ALLC: variants seen among roughly 807,000 people sequenced by gnomAD.
ALLC encodes the protein probable inactive allantoicase.
Under a neutral mutation model 45.0 loss-of-function variants are expected in ALLC, and 40 were observed. That is an observed-to-expected ratio of 0.89 (90% confidence interval 0.69 to 1.16). The LOEUF (loss-of-function observed/expected upper bound fraction) is 1.16, where lower values mean the gene tolerates loss of function less well. Among genes scored for constraint, ALLC ranks in the 50% most tolerant of loss-of-function variants. The probability of loss-of-function intolerance (pLI) is 0.00; values close to 1 mark genes in which losing one functional copy is unlikely to be tolerated. For synonymous variants in ALLC, 176 were observed against 178.1 expected, an observed-to-expected ratio of 0.99 and a Z score of 0.09; for missense variants, 488 against 493.1, an observed-to-expected ratio of 0.99 and a Z score of 0.10.
At chr2:3,676,142 C>T (rs1456416376) in intron 3 of ALLC, among the ~76,000 whole-genome samples, 1 of 152,252 alleles carries the variant, frequency 6.6e-6, no homozygotes, top group South Asian at 2.1e-4. Context: ...TGGTGGGGGA[C>T]AAACATTCAG....
At chr2:3,686,902 C>G (rs569316892) in intron 7 of ALLC, among the ~76,000 whole-genome samples, 17 of 151,048 alleles carry the variant, frequency 1.1e-4, no homozygotes, top group African/African-American at 4.1e-4. Context: ...AACTTCACTT[C>G]TTTCTTTTCA....
intron 9 of ALLC, 22 bp from the exon 10 acceptor site, chr2:3,697,326 T>G (rs1248752720): frequency 6.2e-7 from 1 of 1,603,708 alleles, no homozygotes; most frequent in African/African-American, 1.3e-5. Context: ...CGTTTACCAT[T>G]TTCTTCTCTT....
intron 1 of ALLC, among the ~76,000 whole-genome samples, chr2:3,669,401 G>C (rs931524593): frequency 3.3e-5 from 5 of 152,194 alleles, no homozygotes; most frequent in Non-Finnish European, 7.3e-5. Flanking sequence ...TTGAACCCAG[G>C]AGGCGGCGGT....
At chr2:3,674,603 C>A (rs1223208580) in intron 3 of ALLC, among the ~76,000 whole-genome samples, 1 of 152,184 alleles carries the variant, frequency 6.6e-6, no homozygotes, top group South Asian at 2.1e-4. Context: ...CGTGGAGAGA[C>A]AAACACAGGT....
chr2:3,700,228 T>C (rs1667788072), intron 10 of ALLC, among the ~76,000 whole-genome samples: 1 of 152,218 alleles, frequency 6.6e-6, no homozygotes, highest in Admixed American at 6.5e-5. Context: ...GCTAGCCCAT[T>C]ATCCCAGCAC....
chr2:3,667,953 T>TG (rs36084441), intron 1 of ALLC, among the ~76,000 whole-genome samples: 34 of 152,074 alleles, frequency 2.2e-4, no homozygotes, highest in South Asian at 4.2e-4. Flanking sequence ...TCAGTAGAGA[T>TG]GGGGTTTCTC....
intron 3 of ALLC, among the ~76,000 whole-genome samples, chr2:3,676,123 T>C (rs1667019617): frequency 6.6e-6 from 1 of 152,276 alleles, no homozygotes; most frequent in African/African-American, 2.4e-5. Flanking sequence ...GGTTTCAACA[T>C]ACAAATTTTG....
chr2:3,672,257 G>T (rs1445937873), intron 2 of ALLC, among the ~76,000 whole-genome samples: 1 of 118,816 alleles, frequency 8.4e-6, no homozygotes, highest in African/African-American at 3.4e-5. Flanking sequence ...TTAGATGGGA[G>T]GTCCTCTGGC....
chr2:3,692,776 A>G (rs1477737290), intron 7 of ALLC, among the ~76,000 whole-genome samples: 1 of 152,182 alleles, frequency 6.6e-6, no homozygotes, highest in African/African-American at 2.4e-5. Flanking sequence ...CAGGGTTTGC[A>G]GGGCTGGGGA....
upstream of ALLC, among the ~76,000 whole-genome samples, chr2:3,656,034 T>G (rs1323830855): frequency 1.3e-5 from 2 of 152,170 alleles, no homozygotes; most frequent in Non-Finnish European, 1.5e-5. Flanking sequence ...GGTGGGAGGT[T>G]GTTGTGCCTG....
At chr2:3,666,006 A>T (rs990563773) in intron 1 of ALLC, among the ~76,000 whole-genome samples, 2 of 152,162 alleles carry the variant, frequency 1.3e-5, no homozygotes, top group Admixed American at 1.3e-4. Flanking sequence ...TGGTATATGC[A>T]TGTAAGATGG....
chr2:3,702,149 CAATT>C (rs750647094), intron 11 of ALLC, among the ~76,000 whole-genome samples: 2 of 152,158 alleles, frequency 1.3e-5, no homozygotes, highest in African/African-American at 2.4e-5. Context: ...GGTTGCCCAT[CAATT>C]GTTTATTGGG....
chr2:3,689,360 C>G (rs1426730708), intron 7 of ALLC, among the ~76,000 whole-genome samples: 3 of 150,668 alleles, frequency 2.0e-5, no homozygotes, highest in Non-Finnish European at 4.4e-5. Context: ...TATAAACTTC[C>G]CTCTTAGTAC....
intron 6 of ALLC, among the ~76,000 whole-genome samples, chr2:3,682,196 G>A (rs766041561): frequency 1.8e-4 from 28 of 152,122 alleles, no homozygotes; most frequent in Non-Finnish European, 2.5e-4. Context: ...TAAATAACAG[G>A]AACAGTAAAC....
chr2:3,676,634 T>G, intron 3 of ALLC, among the ~76,000 whole-genome samples: 1 of 152,244 alleles, frequency 6.6e-6, no homozygotes, highest in East Asian at 1.9e-4. Flanking sequence ...TGCCGAATAA[T>G]AACTGTCCAT....
At chr2:3,656,398 C>T (rs149687135), upstream of ALLC, among the ~76,000 whole-genome samples, 3 of 152,346 alleles carry the variant, frequency 2.0e-5, no homozygotes, top group Non-Finnish European at 2.9e-5. Flanking sequence ...GTCCACAGGA[C>T]GTCTGCTGTG....
chr2:3,656,295 C>T (rs894420532), upstream of ALLC, among the ~76,000 whole-genome samples: 11 of 152,218 alleles, frequency 7.2e-5, no homozygotes, highest in African/African-American at 1.9e-4. Context: ...GAAGCCCCTA[C>T]GGAGCTCCGA....
chr2:3,696,576 G>A (rs776801166), intron 9 of ALLC, among the ~76,000 whole-genome samples: 12 of 152,132 alleles, frequency 7.9e-5, no homozygotes, highest in Admixed American at 1.3e-4. Context: ...ATGCATTTTT[G>A]GAACATTCCT....
rs533771656 is a variant in ALLC, at chr2:3,662,424, G to A, written c.-63+4130G>A. On this transcript the variant is annotated intron_variant, in intron 1 of 11. Transcript: ENST00000252505. ...AGCACATCCTGCTCACCACAGGGCG[G>A]AAGTGTTTACGCCAAGGCCCTGCAG... is the stretch of plus-strand genomic sequence containing the variant. Among the ~76,000 whole-genome samples, 257 of 152,342 alleles carry A rather than the reference G, an allele frequency of 1.7e-3. 5 individuals are homozygous for A. In the South Asian group the frequency reaches 0.018, roughly 11 times the overall value.
Sources: allele counts gnomAD v4.1 joint callset (sites outside exome capture counted in the v4.1 genomes callset), GRCh38; gene constraint gnomAD v4.1.1; transcripts MANE v1.5; gene names NCBI Gene and HGNC (gene_info 2026-07-23, HGNC 2026-07-21).